The following AKAP6 variants were observed in gnomAD, a reference collection of about 807,000 sequenced individuals.
The protein encoded by AKAP6 is A-kinase anchoring protein 6.
Under a neutral mutation model 188.5 loss-of-function variants are expected in AKAP6, and 58 were observed. The ratio of observed to expected loss-of-function variants is 0.31; its 90% CI spans 0.25 to 0.38. The LOEUF (loss-of-function observed/expected upper bound fraction) is 0.38, where lower values mean the gene tolerates loss of function less well. Among genes scored for constraint, AKAP6 ranks in the 10% least tolerant of loss-of-function variants. The probability of loss-of-function intolerance (pLI) is 1.00; values close to 1 mark genes in which losing one functional copy is unlikely to be tolerated. For missense variants in AKAP6, 2,710 were observed against 2,740.0 expected (o/e 0.99, Z 0.24); for synonymous variants, 989 against 998.6 (o/e 0.99, Z 0.18).
intron 7 of AKAP6, among the ~76,000 whole-genome samples, chr14:32,653,626 C>G (rs962634249): frequency 7.3e-6 from 1 of 136,122 alleles, no homozygotes; most frequent in African/African-American, 2.6e-5. Context: ...TATTAATTAC[C>G]CAGTCTTAAG....
Position 32,831,446 on chromosome 14 carries a change from T to C in AKAP6, c.*1641T>C, listed in dbSNP as rs1445354434. ...GGTACAATGCAATATAAAGTCACAA[T>C]AGATAATATATATCAAATTTCTAAA... On this transcript the variant is annotated 3_prime_UTR_variant, in exon 14 of 14. Coordinates refer to ENST00000280979, the MANE Select transcript of AKAP6 (RefSeq NM_004274.5). 3 of 152,218 alleles carry C rather than the reference T, an allele frequency of 2.0e-5. No homozygotes were observed. Among genetic ancestry groups the C allele is most frequent in the Non-Finnish European group, 4.4e-5 (3 of 68,022 alleles). The allele number at this position is 152,218 out of a possible 1,614,324, so 9.4% of individuals were successfully genotyped here.
intron 1 of AKAP6, among the ~76,000 whole-genome samples, chr14:32,407,029 C>T (rs1889319304): frequency 6.6e-6 from 1 of 152,106 alleles, no homozygotes; most frequent in Non-Finnish European, 1.5e-5. Flanking sequence ...CATTTTATAC[C>T]ATACTTTATT....
At chr14:32,580,191 CTTTAT>C (rs1340959942) in intron 5 of AKAP6, among the ~76,000 whole-genome samples, 1 of 152,008 alleles carries the variant, frequency 6.6e-6, no homozygotes, top group African/African-American at 2.4e-5. Flanking sequence ...TATGGAGGAG[CTTTAT>C]TTTAACTGTA....
At chr14:32,679,359 C>G (rs1285682500) in intron 8 of AKAP6, among the ~76,000 whole-genome samples, 1 of 151,904 alleles carries the variant, frequency 6.6e-6, no homozygotes, top group Non-Finnish European at 1.5e-5. Context: ...GAAACAGTAA[C>G]CTATTTTACT....
intron 4 of AKAP6, among the ~76,000 whole-genome samples, chr14:32,549,683 C>T (rs145776784): frequency 5.1e-4 from 77 of 152,298 alleles, no homozygotes; most frequent in African/African-American, 1.7e-3. Flanking sequence ...AAGTATTTTA[C>T]GTGGCTTACC....
intron 12 of AKAP6, among the ~76,000 whole-genome samples, chr14:32,817,862 C>T (rs1594978995): frequency 2.6e-5 from 4 of 152,120 alleles, no homozygotes; most frequent in Admixed American, 2.6e-4. Flanking sequence ...AGAGAGCATT[C>T]AACCAAATAA....
At chr14:32,756,779 CT>C (rs1223932309) in intron 11 of AKAP6, among the ~76,000 whole-genome samples, 1 of 151,904 alleles carries the variant, frequency 6.6e-6, no homozygotes, top group African/African-American at 2.4e-5. Flanking sequence ...TGGGTTTTGA[CT>C]GTGAGTCCAT....
At chr14:32,711,513 C>T (rs750226677) in intron 9 of AKAP6, among the ~76,000 whole-genome samples, 1 of 151,960 alleles carries the variant, frequency 6.6e-6, no homozygotes, top group Non-Finnish European at 1.5e-5. Context: ...ACACATACAC[C>T]AAAATGGATT....
At chr14:32,783,177 A>G (rs929340496) in intron 12 of AKAP6, among the ~76,000 whole-genome samples, 6 of 152,184 alleles carry the variant, frequency 3.9e-5, no homozygotes, top group Non-Finnish European at 8.8e-5. Context: ...CTTTTGAACA[A>G]ATGATCCTGG....
intron 12 of AKAP6, among the ~76,000 whole-genome samples, chr14:32,807,026 C>A (rs2034106361): frequency 6.6e-6 from 1 of 151,678 alleles, no homozygotes; most frequent in African/African-American, 2.4e-5. Flanking sequence ...TGCACTCCAG[C>A]CTGGGTGACA....
At chr14:32,613,010 T>G (rs1298903215) in intron 7 of AKAP6, among the ~76,000 whole-genome samples, 4 of 152,230 alleles carry the variant, frequency 2.6e-5, no homozygotes, top group African/African-American at 9.6e-5. Context: ...TTTGGTCCAT[T>G]GCAATTTGTG....
intron 7 of AKAP6, among the ~76,000 whole-genome samples, chr14:32,651,287 C>T (rs17515580): frequency 0.051 from 7,724 of 152,224 alleles, 269 homozygotes; most frequent in Non-Finnish European, 0.076. Context: ...TGTAGTGTCA[C>T]GGCAGCCAAG....
chr14:32,709,236 C>A lies in AKAP6; in HGVS notation c.3000+13126C>A, dbSNP rs138442274. On this transcript the variant is annotated intron_variant, in intron 9 of 13. Transcript: ENST00000280979. ...TAATGCCAGAAATCTCATGTGACAG[C>A]CAGCTCTTGTGGGAGTTTTGAGCTC... is the stretch of plus-strand genomic sequence containing the variant. Among the ~76,000 whole-genome samples the A allele has an allele frequency of 6.7e-3, 1,026 of 152,076 alleles. 7 individuals carry two copies. Among genetic ancestry groups the A allele is most frequent in the African/African-American group, 0.024 (992 of 41,494 alleles).
intron 2 of AKAP6, among the ~76,000 whole-genome samples, chr14:32,456,769 T>C (rs1891157575): frequency 6.6e-6 from 1 of 152,036 alleles, no homozygotes; most frequent in South Asian, 2.1e-4. Flanking sequence ...AATATAACTC[T>C]TAATGGACGT....
chr14:32,460,008 T>C (rs548399105), intron 2 of AKAP6, among the ~76,000 whole-genome samples: 2 of 152,132 alleles, frequency 1.3e-5, no homozygotes, highest in Non-Finnish European at 2.9e-5. Context: ...AAGACAACCA[T>C]ACAACTCTTG....
At chr14:32,775,814 G>A (rs1236525007) in intron 12 of AKAP6, among the ~76,000 whole-genome samples, 2 of 152,128 alleles carry the variant, frequency 1.3e-5, no homozygotes, top group South Asian at 4.1e-4. Context: ...CTACATACAG[G>A]TAGATACAAA....
intron 2 of AKAP6, among the ~76,000 whole-genome samples, chr14:32,462,900 G>GAAAAAA (rs1891378366): frequency 1.1e-3 from 8 of 7,016 alleles, no homozygotes; most frequent in South Asian, 4.2e-3. Context: ...CAAATGGAAA[G>GAAAAAA]CAAAAAAAAA....
At chr14:32,518,291 C>T (rs1881630526) in intron 2 of AKAP6, among the ~76,000 whole-genome samples, 1 of 152,166 alleles carries the variant, frequency 6.6e-6, no homozygotes, top group African/African-American at 2.4e-5. Context: ...CACCTCTTTT[C>T]CTCCAAAGGA....
At chr14:32,609,199 T>A in intron 7 of AKAP6, among the ~76,000 whole-genome samples, 1 of 152,122 alleles carries the variant, frequency 6.6e-6, no homozygotes, top group East Asian at 1.9e-4. Flanking sequence ...TCCAAATGCT[T>A]GTTTAACTTT....
Sources: gnomAD v4.1 joint callset for allele counts (sites outside exome capture counted in the v4.1 genomes callset) on GRCh38, gnomAD v4.1.1 for gene constraint, MANE v1.5 for transcripts, NCBI Gene and HGNC (gene_info 2026-07-23, HGNC 2026-07-21) for gene names.